Variants in NAV1 observed in about 807,000 individuals in gnomAD.
NAV1 encodes pore membrane and/or filament interacting like protein 3.
NAV1 carries 18 observed loss-of-function variants against 175.2 expected under a neutral mutation model. That is an observed-to-expected ratio of 0.10 (90% CI 0.07 to 0.15). NAV1 has a LOEUF of 0.15. Ranked by LOEUF, NAV1 falls within the 10% of genes least tolerant of loss-of-function variation. The pLI is 1.00. For synonymous variants in NAV1, 897 were observed against 978.7 expected (o/e 0.92, Z 1.56); for missense variants, 1,731 against 2,436.6 (o/e 0.71, Z 6.10).
chr1:201,639,065 G>C (rs901290011), intron 2 of NAV1, among the ~76,000 whole-genome samples: 3 of 152,224 alleles, frequency 2.0e-5, no homozygotes, highest in African/African-American at 7.2e-5. Flanking sequence ...CTCTGAAGCT[G>C]GGCCTTGAGG....
At chr1:201,630,291 C>T (rs1246455024) in intron 2 of NAV1, among the ~76,000 whole-genome samples, 3 of 152,210 alleles carry the variant, frequency 2.0e-5, no homozygotes, top group African/African-American at 7.2e-5. Flanking sequence ...GGAACCAGGT[C>T]AATCCTTTAC....
chr1:201,783,378 C>T (rs374871227), intron 6 of NAV1, 28 bp from the exon 11 acceptor site: 11 of 1,601,034 alleles, frequency 6.9e-6, no homozygotes, highest in East Asian at 2.2e-5. Flanking sequence ...TTCTATTATT[C>T]TAAATATTTC....
rs1404342948 is a variant in NAV1, at chr1:201,694,258, G to A, written c.758-18559G>A. 6.6e-6 allele frequency among the ~76,000 whole-genome samples: 1 copy of A among 152,180 alleles called. No individual in the cohort carries two copies. The highest frequency in any genetic ancestry group is 2.4e-5 in the African/African-American group (1 of 41,418). ...GAACTCCCCCAGTTGGGGTGTAGAGGCATAGGGGAAGTCAAAGCAATGGCT... is the reference window on the plus strand; with the variant it reads ...GAACTCCCCCAGTTGGGGTGTAGAGACATAGGGGAAGTCAAAGCAATGGCT... On this transcript the variant is annotated intron_variant, in intron 1 of 29. Coordinates refer to ENST00000367296, the Ensembl canonical transcript of NAV1. The surrounding 1 kb of genome is among the most constrained non-coding windows in gnomAD (Gnocchi z 4.2).
chr1:201,676,414 G>A (rs767451651), intron 1 of NAV1, among the ~76,000 whole-genome samples: 22 of 152,230 alleles, frequency 1.4e-4, no homozygotes, highest in Middle Eastern at 3.2e-3. Context: ...GAAGTGCTGA[G>A]GAGGACACAG....
intron 1 of NAV1, among the ~76,000 whole-genome samples, chr1:201,546,488 A>G (rs1180726343): frequency 6.6e-6 from 1 of 152,234 alleles, no homozygotes; most frequent in Non-Finnish European, 1.5e-5. Flanking sequence ...GAAAACCGTC[A>G]GATAAGTAGA....
intron 1 of NAV1, among the ~76,000 whole-genome samples, chr1:201,689,962 G>T (rs960215139): frequency 6.6e-6 from 1 of 151,150 alleles, no homozygotes; most frequent in African/African-American, 2.4e-5. Context: ...CCTGTCTGTG[G>T]CAGAATGCTG....
chr1:201,592,132 C>T (rs1026553425), intron 2 of NAV1, among the ~76,000 whole-genome samples: 2 of 152,182 alleles, frequency 1.3e-5, no homozygotes, highest in Admixed American at 1.3e-4. Context: ...GGGAAGCTGC[C>T]CCACCTGCAT....
At chr1:201,584,150 C>A (rs1666955720) in intron 1 of NAV1, among the ~76,000 whole-genome samples, 2 of 152,192 alleles carry the variant, frequency 1.3e-5, no homozygotes, top group Admixed American at 6.5e-5. Context: ...AGTGTAAGAA[C>A]AATATCAAGT....
chr1:201,612,066 C>G (rs1172389182), intron 2 of NAV1, among the ~76,000 whole-genome samples: 2 of 151,998 alleles, frequency 1.3e-5, no homozygotes, highest in Non-Finnish European at 2.9e-5. Flanking sequence ...GTGCATATGT[C>G]TATCTCTGTG....
chr1:201,637,380 T>C (rs1405004033), intron 2 of NAV1, among the ~76,000 whole-genome samples: 1 of 152,202 alleles, frequency 6.6e-6, no homozygotes, highest in Non-Finnish European at 1.5e-5. Context: ...TTCACAGTAT[T>C]TGGCTTATGT....
At chr1:201,783,332 A>G in intron 6 of NAV1, 74 bp from the exon 11 acceptor site, 1 of 1,419,058 alleles carries the variant, frequency 7.0e-7, no homozygotes. Context: ...ACTGGATAGG[A>G]TTTCTTTAAG....
intron 3 of NAV1, chr1:201,723,622 GCT>G (rs1451839306): frequency 3.3e-5 from 5 of 152,136 alleles, no homozygotes; most frequent in African/African-American, 1.2e-4. Flanking sequence ...CAGAATCTCT[GCT>G]ACCCAGAAAG....
chr1:201,814,625 G>A (rs966360501), intron 28 of NAV1, among the ~76,000 whole-genome samples: 1 of 151,894 alleles, frequency 6.6e-6, no homozygotes, highest in Non-Finnish European at 1.5e-5. Flanking sequence ...TCAGACTGAT[G>A]CCAGAAATCA....
chr1:201,692,695 G>C (rs934265881), intron 1 of NAV1, among the ~76,000 whole-genome samples: 18 of 152,248 alleles, frequency 1.2e-4, no homozygotes, highest in Non-Finnish European at 2.9e-5. Context: ...ACACGGCATG[G>C]AACAGGGCTA....
At chr1:201,645,249 T>C, upstream of NAV1, among the ~76,000 whole-genome samples, 1 of 151,774 alleles carries the variant, frequency 6.6e-6, no homozygotes, top group African/African-American at 2.4e-5. Context: ...ATGTCCTTTG[T>C]AGGGACATGG....
At chr1:201,664,964 C>T (rs1270969262) in intron 1 of NAV1, among the ~76,000 whole-genome samples, 1 of 152,198 alleles carries the variant, frequency 6.6e-6, no homozygotes, top group Non-Finnish European at 1.5e-5. Flanking sequence ...CAGGTCCTGC[C>T]TGTGTGTGCC....
At chr1:201,585,427 C>T (rs1158946982) in intron 1 of NAV1, among the ~76,000 whole-genome samples, 1 of 152,066 alleles carries the variant, frequency 6.6e-6, no homozygotes, top group Non-Finnish European at 1.5e-5. Context: ...AGAAGCTCTT[C>T]ATTCACAGAC....
At chr1:201,555,435 C>A (rs973089142) in intron 1 of NAV1, among the ~76,000 whole-genome samples, 1 of 152,192 alleles carries the variant, frequency 6.6e-6, no homozygotes, top group African/African-American at 2.4e-5. Context: ...AATCCCACAA[C>A]TCCTTGACTC....
chr1:201,620,436 T>C (rs1435882116), upstream of NAV1, among the ~76,000 whole-genome samples: 1 of 150,490 alleles, frequency 6.6e-6, no homozygotes, highest in Non-Finnish European at 1.5e-5. Context: ...CACAGCAGTG[T>C]ATGGGAGACA....
Sources: allele counts gnomAD v4.1 joint callset (sites outside exome capture counted in the v4.1 genomes callset), GRCh38; gene constraint gnomAD v4.1.1; non-coding constraint Gnocchi (gnomAD v3.1); transcripts MANE v1.5; gene names NCBI Gene and HGNC (gene_info 2026-07-23, HGNC 2026-07-21).